FOXN3: variants seen among roughly 807,000 people sequenced by gnomAD.
FOXN3 encodes the protein forkhead box N3.
In FOXN3, 7 loss-of-function variants were observed where a neutral mutation model predicts 38.4. The ratio of observed to expected loss-of-function variants is 0.18; its 90% confidence interval spans 0.10 to 0.34. FOXN3 has a LOEUF of 0.34. Ranked by LOEUF, FOXN3 falls within the 10% of genes least tolerant of loss-of-function variation. FOXN3 has a pLI of 1.00. For synonymous variants in FOXN3, 230 were observed against 242.2 expected (o/e 0.95, Z 0.47); for missense variants, 456 against 613.4 (o/e 0.74, Z 2.71).
intron 1 of FOXN3, among the ~76,000 whole-genome samples, chr14:89,502,498 T>C (rs1893824317): frequency 6.6e-6 from 1 of 152,254 alleles, no homozygotes; most frequent in East Asian, 1.9e-4. Flanking sequence ...TTATCTCAAC[T>C]ACCCAGCTGC....
chr14:89,462,426 A>G (rs1892865813), intron 1 of FOXN3, among the ~76,000 whole-genome samples: 1 of 152,250 alleles, frequency 6.6e-6, no homozygotes, highest in South Asian at 2.1e-4. Flanking sequence ...TTAATAGGAA[A>G]CACTTAGAGT....
chr14:89,260,221 G>A (rs1208544019), intron 4 of FOXN3, among the ~76,000 whole-genome samples: 4 of 152,320 alleles, frequency 2.6e-5, no homozygotes, highest in East Asian at 1.9e-4. Flanking sequence ...GTTTTAATCT[G>A]AACTAACTCC....
At chr14:89,339,660 C>T (rs369647115) in intron 3 of FOXN3, among the ~76,000 whole-genome samples, 1 of 152,236 alleles carries the variant, frequency 6.6e-6, no homozygotes, top group African/African-American at 2.4e-5. Context: ...GCCAGAGTCA[C>T]GCTTTGAGAG....
chr14:89,193,223 A>G (rs964204359), intron 4 of FOXN3, among the ~76,000 whole-genome samples: 2 of 150,836 alleles, frequency 1.3e-5, no homozygotes, highest in African/African-American at 4.9e-5. Flanking sequence ...CTCGGTGGCC[A>G]GGAGGTTTGC....
intron 4 of FOXN3, among the ~76,000 whole-genome samples, chr14:89,227,684 G>A (rs1056997971): frequency 5.3e-5 from 8 of 152,158 alleles, no homozygotes; most frequent in Admixed American, 3.3e-4. Context: ...AATAAAATCC[G>A]GCACGATAAA....
intron 3 of FOXN3, chr14:89,350,451 A>G: frequency 2.6e-6 from 1 of 385,924 alleles, no homozygotes; most frequent in Non-Finnish European, 4.6e-6. Flanking sequence ...TTCACCCACC[A>G]TGAAGCCTTC....
chr14:89,383,302 T>C (rs1890709243), intron 2 of FOXN3, among the ~76,000 whole-genome samples: 1 of 152,182 alleles, frequency 6.6e-6, no homozygotes, highest in Non-Finnish European at 1.5e-5. Flanking sequence ...TTCCAATGCA[T>C]GAGGCTTCTC....
rs573890124 is a variant in FOXN3 at position 89,568,932 on chromosome 14, C to A, written c.-15+50096G>T. Among the ~76,000 whole-genome samples, 1,177 of 152,318 alleles carry A rather than the reference C, an allele frequency of 7.7e-3. 14 individuals are homozygous for A. Among genetic ancestry groups the A allele is most frequent in the African/African-American group, 0.026 (1,099 of 41,568 alleles). ...TTTAAAAGGCGCCATTGGCCGGGCA[C>A]GGTGGCTCACGCCTGTAATCCCAGC... On this transcript the variant is annotated intron_variant, in intron 1 of 6. Transcript: ENST00000345097.
At position 89,165,730 on chromosome 14, in the gene FOXN3, C is replaced by A. The variant is rs112892665; in HGVS notation, c.852-2761G>T. ...AGCTAGCTATTAATAGTTATTAGAG[C>A]AAACGAAAATGAAAGTCTCGTTGTA... On this transcript the variant is annotated intron_variant, in intron 5 of 5. Coordinates refer to ENST00000557258, the MANE Select transcript of FOXN3 (RefSeq NM_005197.4). Among the ~76,000 whole-genome samples the A allele has an allele frequency of 2.0e-5, 3 of 152,188 alleles. No individual in the cohort carries two copies. In the East Asian group the frequency reaches 5.8e-4, roughly 29 times the overall value.
chr14:89,540,167 T>C (rs1894766852), intron 1 of FOXN3, among the ~76,000 whole-genome samples: 1 of 152,164 alleles, frequency 6.6e-6, no homozygotes, highest in Admixed American at 6.5e-5. Flanking sequence ...AATAACCATG[T>C]GAAATTTACA....
Position 89,294,615 on chromosome 14 carries a change from T to C in FOXN3, c.681-13601A>G, listed in dbSNP as rs181360159. 3.3e-4 allele frequency among the ~76,000 whole-genome samples: 50 copies of C among 152,122 alleles called. No individual in the cohort carries two copies. The East Asian group carries it at 8.7e-3, about 27-fold the overall frequency. On this transcript the variant is annotated intron_variant, in intron 3 of 5. Transcript: ENST00000557258. ...ACAAAGACCTTGCGGATAAAACAGA[T>C]TGCATTAAAGCCAGCTGAAACCCAC...
intron 2 of FOXN3, among the ~76,000 whole-genome samples, chr14:89,376,051 G>A (rs1234067322): frequency 6.6e-6 from 1 of 152,154 alleles, no homozygotes; most frequent in Non-Finnish European, 1.5e-5. Flanking sequence ...CCAAAGTGCT[G>A]GGATTACAGG....
intron 4 of FOXN3, 125 bp from the exon 5 acceptor site, chr14:89,180,931 AAC>A (rs535691224): frequency 8.9e-3 from 3,527 of 397,576 alleles, no homozygotes; most frequent in South Asian, 0.01. Context: ...GACAGAGAGA[AAC>A]ACACACACAC....
At chr14:89,200,741 G>A (rs1888216376) in intron 4 of FOXN3, among the ~76,000 whole-genome samples, 1 of 152,298 alleles carries the variant, frequency 6.6e-6, no homozygotes, top group Non-Finnish European at 1.5e-5. Flanking sequence ...TCCAAAGCAA[G>A]TGAACGCATC....
At chr14:89,486,122 T>G (rs1202475655) in intron 1 of FOXN3, among the ~76,000 whole-genome samples, 1 of 152,154 alleles carries the variant, frequency 6.6e-6, no homozygotes, top group Non-Finnish European at 1.5e-5. Flanking sequence ...AGCCTTCTAC[T>G]TTTTCATCCC....
At chr14:89,599,933 C>A (rs1452561729) in intron 1 of FOXN3, among the ~76,000 whole-genome samples, 1 of 152,180 alleles carries the variant, frequency 6.6e-6, no homozygotes, top group African/African-American at 2.4e-5. Flanking sequence ...TTAGCCTCTA[C>A]TTTTTGAACT....
At chr14:89,500,709 TG>T (rs1263229746) in intron 1 of FOXN3, among the ~76,000 whole-genome samples, 1 of 152,222 alleles carries the variant, frequency 6.6e-6, no homozygotes, top group Non-Finnish European at 1.5e-5. Context: ...GTAACCAGCC[TG>T]GTACCCTGAC....
chr14:89,353,021 A>G (rs1291464325), intron 2 of FOXN3, among the ~76,000 whole-genome samples: 2 of 152,222 alleles, frequency 1.3e-5, no homozygotes, highest in Non-Finnish European at 2.9e-5. Flanking sequence ...AATAAAAACA[A>G]AAGCTAAGCA....
intron 1 of FOXN3, among the ~76,000 whole-genome samples, chr14:89,432,459 C>T (rs1337821407): frequency 6.6e-6 from 1 of 152,210 alleles, no homozygotes; most frequent in Non-Finnish European, 1.5e-5. Flanking sequence ...AAGCTTCCTG[C>T]AGGCCAGGCA....
Sources: gnomAD v4.1 joint callset for allele counts (sites outside exome capture counted in the v4.1 genomes callset) on GRCh38, gnomAD v4.1.1 for gene constraint, MANE v1.5 for transcripts, NCBI Gene and HGNC (gene_info 2026-07-23, HGNC 2026-07-21) for gene names.